Variants in PRKG1 observed in about 807,000 individuals in gnomAD.
PRKG1 encodes the protein cGMP-dependent protein kinase 1.
PRKG1 carries 35 observed loss-of-function variants against 88.1 expected under a neutral mutation model. The observed-to-expected ratio is 0.40, with a 90% confidence interval of 0.30 to 0.53. PRKG1 has a LOEUF of 0.53. Among genes scored for constraint, PRKG1 ranks in the 20% least tolerant of loss-of-function variants. The pLI, the probability that PRKG1 is intolerant of heterozygous loss-of-function variation, is 0.59. For missense variants in PRKG1, 540 were observed against 839.8 expected (o/e 0.64, Z 4.41); for synonymous variants, 303 against 292.5 (o/e 1.04, Z -0.37).
intron 7 of PRKG1, among the ~76,000 whole-genome samples, chr10:52,107,523 A>C (rs2132581171): frequency 6.6e-6 from 1 of 152,360 alleles, no homozygotes; most frequent in South Asian, 2.1e-4. Flanking sequence ...ACAATGTCTC[A>C]AAATATTTAT....
At chr10:51,116,489 T>C (rs1845126190) in intron 1 of PRKG1, among the ~76,000 whole-genome samples, 1 of 152,186 alleles carries the variant, frequency 6.6e-6, no homozygotes. Context: ...AGTATTCATG[T>C]ATCATGGGGA....
intron 3 of PRKG1, among the ~76,000 whole-genome samples, chr10:51,703,622 AGC>A (rs2132419158): frequency 6.6e-6 from 1 of 152,288 alleles, no homozygotes; most frequent in East Asian, 1.9e-4. Context: ...ATTTATTTCA[AGC>A]ACTGACAATA....
At chr10:52,088,415 A>G (rs1846970034) in intron 7 of PRKG1, among the ~76,000 whole-genome samples, 1 of 151,916 alleles carries the variant, frequency 6.6e-6, no homozygotes, top group Admixed American at 6.6e-5. Flanking sequence ...GATGGGTGCT[A>G]TGGTTTGAAT....
intron 3 of PRKG1, among the ~76,000 whole-genome samples, chr10:51,645,249 C>T (rs1773998781): frequency 6.6e-6 from 1 of 152,180 alleles, no homozygotes; most frequent in South Asian, 2.1e-4. Context: ...ACTTGTAAGA[C>T]TTGCTTGACC....
intron 6 of PRKG1, among the ~76,000 whole-genome samples, chr10:52,058,978 C>T (rs1300111358): frequency 1.3e-5 from 2 of 151,432 alleles, no homozygotes; most frequent in East Asian, 3.9e-4. Context: ...CAAAAAACAC[C>T]AAAGTACCCA....
intron 3 of PRKG1, among the ~76,000 whole-genome samples, chr10:51,493,447 T>C (rs548406679): frequency 6.7e-6 from 1 of 150,166 alleles, no homozygotes; most frequent in East Asian, 1.9e-4. Flanking sequence ...ACAATTATAC[T>C]GCATATGATG....
chr10:52,289,888 T>C (rs2132461811), intron 16 of PRKG1, among the ~76,000 whole-genome samples: 1 of 152,242 alleles, frequency 6.6e-6, no homozygotes, highest in East Asian at 1.9e-4. Flanking sequence ...CTCCTTAAAA[T>C]AAAATATCCT....
At chr10:51,307,587 C>T (rs1841070560) in intron 2 of PRKG1, among the ~76,000 whole-genome samples, 1 of 152,094 alleles carries the variant, frequency 6.6e-6, no homozygotes, top group African/African-American at 2.4e-5. Flanking sequence ...AGTTCCTGGT[C>T]TCTGAGTTTA....
At chr10:51,047,907 TTTA>T (rs1355481673) in intron 1 of PRKG1, among the ~76,000 whole-genome samples, 2 of 152,234 alleles carry the variant, frequency 1.3e-5, no homozygotes, top group Admixed American at 6.5e-5. Context: ...CTTGGCCTGC[TTTA>T]TTGATTGATA....
chr10:51,818,239 A>T (rs1303766843), intron 4 of PRKG1, among the ~76,000 whole-genome samples: 1 of 152,202 alleles, frequency 6.6e-6, no homozygotes, highest in African/African-American at 2.4e-5. Context: ...ATATTATTTT[A>T]GAATTTATTT....
At chr10:52,043,685 T>C (rs1000531531) in intron 5 of PRKG1, among the ~76,000 whole-genome samples, 1 of 151,952 alleles carries the variant, frequency 6.6e-6, no homozygotes, top group African/African-American at 2.4e-5. Context: ...AAAAGAGGAT[T>C]TGCATGTTGT....
chr10:51,628,122 C>CTTTCTT (rs61693066), intron 3 of PRKG1, among the ~76,000 whole-genome samples: 1 of 116,826 alleles, frequency 8.6e-6, no homozygotes, highest in Non-Finnish European at 1.7e-5. Context: ...TTCTTTATTT[C>CTTTCTT]TCTTTCTTTC....
chr10:51,447,097 T>C (rs1839295412), intron 2 of PRKG1, among the ~76,000 whole-genome samples: 1 of 152,038 alleles, frequency 6.6e-6, no homozygotes, highest in Admixed American at 6.6e-5. Context: ...CAATTGAGTC[T>C]GTCACATCAC....
chr10:51,185,867 T>C lies in PRKG1; in HGVS notation c.478+32537T>C, dbSNP rs922054848. ...ACTACTCTGCAGTGAATACTTCTTA[T>C]ACTTATGTCATTGTACACATTTTAA... On this transcript the variant is annotated intron_variant, in intron 2 of 17. Coordinates refer to ENST00000373980, the MANE Select transcript of PRKG1 (RefSeq NM_006258.4). Among the ~76,000 whole-genome samples, 5 of 151,932 alleles carry C rather than the reference T, an allele frequency of 3.3e-5. No homozygotes were observed. The East Asian group carries it at 7.8e-4, about 24-fold the overall frequency.
intron 3 of PRKG1, among the ~76,000 whole-genome samples, chr10:51,527,077 C>T (rs1343292507): frequency 6.6e-6 from 1 of 152,066 alleles, no homozygotes; most frequent in African/African-American, 2.4e-5. Flanking sequence ...TGGCTGTGTT[C>T]CCAATAAAAC....
At position 52,288,820 on chromosome 10, in the gene PRKG1, G is replaced by T. The variant is rs1304462981; in HGVS notation, c.1804G>T (p.Ala602Ser). 6.2e-7 allele frequency: 1 copy of T among 1,605,672 alleles called. No homozygotes were observed. The highest frequency in any genetic ancestry group is 8.5e-7 in the Non-Finnish European group (1 of 1,176,496). ...ATTTCCAAAGAAGATTGCCAAAAAT[G>T]CTGCTAATTTAATTAAAAAACTATG... ...IEFPKKIAKN[A>S]ANLIKKLCRD... Residue 602 changes from alanine (A) to serine (S), a missense_variant, in exon 15 of 18, where the codon GCT (alanine) becomes TCT (serine). By Grantham distance (99) the Ala-to-Ser change is moderately conservative. This residue lies in a region of PRKG1 where 97 missense variants were observed against 210.6 expected (regional missense o/e 0.46). Transcript: ENST00000373980.
intron 4 of PRKG1, among the ~76,000 whole-genome samples, chr10:51,896,208 T>A (rs1469167896): frequency 6.6e-6 from 1 of 152,202 alleles, no homozygotes; most frequent in Non-Finnish European, 1.5e-5. Flanking sequence ...ATATCTGATG[T>A]ACTAGAAATT....
chr10:51,396,175 C>T (rs1356787572), intron 2 of PRKG1, among the ~76,000 whole-genome samples: 2 of 151,980 alleles, frequency 1.3e-5, no homozygotes, highest in Non-Finnish European at 1.5e-5. Context: ...CGCTTGAGGC[C>T]AGGAGTTTGA....
At chr10:51,095,459 T>C (rs184658126) in intron 1 of PRKG1, among the ~76,000 whole-genome samples, 4 of 152,328 alleles carry the variant, frequency 2.6e-5, no homozygotes, top group Non-Finnish European at 4.4e-5. Context: ...GAGTGTATTG[T>C]AATTCCCTGT....
Sources: allele counts gnomAD v4.1 joint callset (sites outside exome capture counted in the v4.1 genomes callset), GRCh38; gene constraint gnomAD v4.1.1; regional missense constraint gnomAD v4.1.1; transcripts MANE v1.5; gene names NCBI Gene and HGNC (gene_info 2026-07-23, HGNC 2026-07-21).